SHISA9: variants seen among roughly 807,000 people sequenced by gnomAD.
SHISA9 encodes protein shisa-9.
Under a neutral mutation model 38.0 loss-of-function variants are expected in SHISA9, and 13 were observed. The ratio of observed to expected loss-of-function variants is 0.34; its 90% CI spans 0.22 to 0.54. The LOEUF (loss-of-function observed/expected upper bound fraction) is 0.54. SHISA9 is among the 20% of genes least tolerant of loss of function. The pLI is 0.91. For missense variants in SHISA9, 538 were observed against 575.8 expected, an observed-to-expected ratio of 0.93 and a Z score of 0.67; for synonymous variants, 275 against 242.0, an observed-to-expected ratio of 1.14 and a Z score of -1.27.
At chr16:13,521,037 A>G in the SHISA9 span, among the ~76,000 whole-genome samples, 4 of 152,150 alleles carry the variant, frequency 2.6e-5, no homozygotes, top group African/African-American at 7.2e-5. Context: ...ATCTCTGTGC[A>G]TGTTCTGCCC....
intron 2 of SHISA9, among the ~76,000 whole-genome samples, chr16:13,139,764 G>A (rs1374518028): frequency 2.0e-5 from 3 of 152,144 alleles, no homozygotes; most frequent in Non-Finnish European, 2.9e-5. Context: ...GTTCATATGA[G>A]TAAACAAGAC....
At chr16:13,513,018 T>C in the SHISA9 span, among the ~76,000 whole-genome samples, 1 of 152,120 alleles carries the variant, frequency 6.6e-6, no homozygotes, top group Non-Finnish European at 1.5e-5. Flanking sequence ...TGGGACCTAA[T>C]TAAACTAAAG....
At chr16:13,070,166 C>A (rs1365420151) in intron 2 of SHISA9, among the ~76,000 whole-genome samples, 1 of 146,328 alleles carries the variant, frequency 6.8e-6, no homozygotes, top group Admixed American at 7.1e-5. Context: ...ACGCATGTGT[C>A]TGTGGAAACT....
the SHISA9 span, among the ~76,000 whole-genome samples, chr16:13,426,347 C>T: frequency 6.6e-6 from 1 of 152,110 alleles, no homozygotes; most frequent in East Asian, 1.9e-4. Context: ...TCCCTAGGTA[C>T]ACGGAGCCAG....
intron 2 of SHISA9, among the ~76,000 whole-genome samples, chr16:13,160,470 G>A (rs1335401677): frequency 6.6e-6 from 1 of 152,138 alleles, no homozygotes. Flanking sequence ...CACTGCATAG[G>A]TGGCCCTGGT....
At chr16:13,104,133 T>A (rs1035940298) in intron 2 of SHISA9, among the ~76,000 whole-genome samples, 1 of 152,176 alleles carries the variant, frequency 6.6e-6, no homozygotes, top group African/African-American at 2.4e-5. Context: ...GCTAATGCCC[T>A]CATACGGTTG....
Position 12,901,692 on chromosome 16 carries a change from G to T in SHISA9, c.-373G>T, listed in dbSNP as rs138219911. 4.8e-3 allele frequency: 726 copies of T among 151,188 alleles called. 9 individuals are homozygous for T. Among genetic ancestry groups the T allele is most frequent in the Middle Eastern group, 0.017 (5 of 302 alleles). 9.4% of individuals were successfully genotyped at this position (151,188 alleles called of 1,614,324 possible). A position where few individuals can be genotyped will look rare whatever the true frequency, so the allele number is the denominator to read the frequency against. On this transcript the variant is annotated 5_prime_UTR_variant, in exon 1 of 5. Transcript: ENST00000558583. ...GAGGGCTAGGGGCGGCCAGTCCGGG[G>T]CTGCCGGCCAAGGCTAGGCGCTGCC...
chr16:13,439,797 G>A, the SHISA9 span, among the ~76,000 whole-genome samples: 3 of 152,152 alleles, frequency 2.0e-5, no homozygotes, highest in Non-Finnish European at 4.4e-5. Context: ...AAGGGCCTTC[G>A]TGAGAAATGA....
the SHISA9 span, among the ~76,000 whole-genome samples, chr16:13,447,852 C>T: frequency 6.6e-6 from 1 of 152,142 alleles, no homozygotes; most frequent in Non-Finnish European, 1.5e-5. Context: ...ATAAGGTCTT[C>T]TGAAAAAAAT....
At position 13,235,526 on chromosome 16, in the gene SHISA9, C is replaced by T. The variant is rs999963878; in HGVS notation, c.*117C>T. 98 of 1,255,938 alleles carry T rather than the reference C, an allele frequency of 7.8e-5. No individual in the cohort carries two copies. The highest frequency in any genetic ancestry group is 1.0e-4 in the Non-Finnish European group (94 of 934,182). The allele number at this position is 1,255,938 out of a possible 1,614,324, so 77.8% of individuals were successfully genotyped here. A position where few individuals can be genotyped will look rare whatever the true frequency, so the allele number is the denominator to read the frequency against. On this transcript the variant is annotated 3_prime_UTR_variant, in exon 5 of 5. Coordinates refer to ENST00000558583, the MANE Select transcript of SHISA9 (RefSeq NM_001145204.3). ...CATGCGTCCACACACTCACTCTCAA[C>T]AAGAACCAACTCTAAACCTACTGGG...
chr16:13,223,473 T>C (rs2142076888), intron 4 of SHISA9, among the ~76,000 whole-genome samples: 1 of 152,242 alleles, frequency 6.6e-6, no homozygotes, highest in South Asian at 2.1e-4. Flanking sequence ...GTGCATTGAA[T>C]CCTTCAAACT....
chr16:13,260,837 A>C, the SHISA9 span, among the ~76,000 whole-genome samples: 2 of 152,200 alleles, frequency 1.3e-5, no homozygotes, highest in African/African-American at 2.4e-5. Flanking sequence ...CATGCTGCTG[A>C]TAAGGACATA....
At chr16:13,148,018 A>T (rs1234067594) in intron 2 of SHISA9, among the ~76,000 whole-genome samples, 1 of 152,114 alleles carries the variant, frequency 6.6e-6, no homozygotes, top group African/African-American at 2.4e-5. Flanking sequence ...CTCTGCAAAT[A>T]TGTTGAAGAA....
intron 2 of SHISA9, among the ~76,000 whole-genome samples, chr16:13,097,609 A>T (rs1242233293): frequency 6.6e-6 from 1 of 152,120 alleles, no homozygotes; most frequent in Admixed American, 6.6e-5. Flanking sequence ...TTACTATGTT[A>T]TCCAGGCTGG....
chr16:13,096,074 G>GTAT (rs1404988823), intron 2 of SHISA9, among the ~76,000 whole-genome samples: 2 of 152,184 alleles, frequency 1.3e-5, no homozygotes, highest in Non-Finnish European at 2.9e-5. Context: ...GCTTCACTGG[G>GTAT]TATTAGCTGG....
chr16:13,466,510 A>G, the SHISA9 span, among the ~76,000 whole-genome samples: 60 of 152,324 alleles, frequency 3.9e-4, no homozygotes, highest in Non-Finnish European at 2.4e-4. Flanking sequence ...GTAACAAGCC[A>G]TGACCAACTG....
the SHISA9 span, among the ~76,000 whole-genome samples, chr16:13,256,782 T>A: frequency 2.0e-5 from 3 of 152,218 alleles, no homozygotes; most frequent in South Asian, 2.1e-4. Flanking sequence ...TGTTGCCTTT[T>A]GAGTATTTAT....
At chr16:12,916,908 T>C (rs2071266377) in intron 2 of SHISA9, 93 bp downstream of exon 2, 1 of 1,390,792 alleles carries the variant, frequency 7.2e-7, no homozygotes, top group Non-Finnish European at 9.5e-7. Flanking sequence ...TTGGGTTAGT[T>C]AAGAGCTCTT....
chr16:13,080,407 C>T (rs766240206), intron 2 of SHISA9, among the ~76,000 whole-genome samples: 1 of 152,124 alleles, frequency 6.6e-6, no homozygotes, highest in African/African-American at 2.4e-5. Flanking sequence ...AACACCACCA[C>T]TTGGTCAGCT....
Sources: allele counts gnomAD v4.1 joint callset (sites outside exome capture counted in the v4.1 genomes callset), GRCh38; gene constraint gnomAD v4.1.1; transcripts MANE v1.5; gene names NCBI Gene and HGNC (gene_info 2026-07-23, HGNC 2026-07-21).